Variants in KDM4B observed in about 807,000 individuals in gnomAD.
The protein encoded by KDM4B is lysine demethylase 4B.
KDM4B carries 32 observed loss-of-function variants against 125.2 expected under a neutral mutation model. The ratio of observed to expected loss-of-function variants is 0.26; its 90% CI spans 0.19 to 0.34. The LOEUF is 0.34. KDM4B is among the 10% of genes least tolerant of loss of function. The probability of loss-of-function intolerance (pLI) is 1.00; values close to 1 mark genes in which losing one functional copy is unlikely to be tolerated. For synonymous variants in KDM4B, 721 were observed against 677.9 expected (o/e 1.06, Z -0.99); for missense variants, 1,190 against 1,577.7 (o/e 0.75, Z 4.16).
At chr19:5,040,871 C>T (rs533583071) in intron 4 of KDM4B, among the ~76,000 whole-genome samples, 1 of 152,350 alleles carries the variant, frequency 6.6e-6, no homozygotes, top group East Asian at 1.9e-4. Flanking sequence ...GTCCCCTGCC[C>T]ACTCCCCCTG....
chr19:5,069,269 C>G (rs184113591), intron 6 of KDM4B, among the ~76,000 whole-genome samples: 58 of 152,288 alleles, frequency 3.8e-4, no homozygotes, highest in African/African-American at 1.3e-3. Flanking sequence ...CGCCTCTTCT[C>G]TGGCTCCTGC....
intron 21 of KDM4B, among the ~76,000 whole-genome samples, chr19:5,149,655 A>G (rs1286694474): frequency 6.6e-6 from 1 of 152,152 alleles, no homozygotes; most frequent in East Asian, 1.9e-4. Flanking sequence ...TTCATGGGAC[A>G]GTGTTGTGTT....
intron 6 of KDM4B, among the ~76,000 whole-genome samples, chr19:5,051,302 G>A (rs541033229): frequency 2.7e-4 from 41 of 152,322 alleles, no homozygotes; most frequent in African/African-American, 8.7e-4. Flanking sequence ...CCTGGCCCAC[G>A]CTGCCTGGGA....
intron 12 of KDM4B, 43 bp from the exon 13 acceptor site, chr19:5,131,844 G>T (rs2039562385): frequency 3.1e-6 from 5 of 1,612,088 alleles, no homozygotes; most frequent in Non-Finnish European, 3.4e-6. Context: ...CCCACCCAGG[G>T]GTCTGTAGCG....
At chr19:5,006,017 G>A (rs547702318) in intron 1 of KDM4B, among the ~76,000 whole-genome samples, 2 of 152,170 alleles carry the variant, frequency 1.3e-5, no homozygotes, top group Non-Finnish European at 2.9e-5. Context: ...GGGCTGTGGG[G>A]GTCCTGGGAG....
intron 18 of KDM4B, among the ~76,000 whole-genome samples, chr19:5,139,035 G>A (rs372203332): frequency 3.4e-4 from 51 of 152,222 alleles, no homozygotes; most frequent in South Asian, 1.2e-3. Context: ...CGATCATCCC[G>A]CCTCAGCCTC....
At chr19:5,053,269 T>C (rs920816562) in intron 6 of KDM4B, among the ~76,000 whole-genome samples, 2 of 152,222 alleles carry the variant, frequency 1.3e-5, no homozygotes, top group African/African-American at 2.4e-5. Flanking sequence ...TCAGAGCCGC[T>C]GCGGTGCCCT....
At chr19:5,062,212 C>T (rs1214989075) in intron 6 of KDM4B, among the ~76,000 whole-genome samples, 4 of 152,254 alleles carry the variant, frequency 2.6e-5, no homozygotes, top group Non-Finnish European at 5.9e-5. Context: ...CCTCAGTGCT[C>T]TTGGCAGTTC....
At chr19:5,019,449 C>T (rs562621965) in intron 2 of KDM4B, among the ~76,000 whole-genome samples, 2 of 66,400 alleles carry the variant, frequency 3.0e-5, no homozygotes, top group East Asian at 5.2e-4. Context: ...TGTTGGTGTG[C>T]GTGTTGGTGT....
At chr19:5,083,382 G>C (rs1307226536) in intron 9 of KDM4B, among the ~76,000 whole-genome samples, 1 of 152,198 alleles carries the variant, frequency 6.6e-6, no homozygotes, top group Admixed American at 6.5e-5. Flanking sequence ...GGACGTGGAC[G>C]GGGCTTATGA....
intron 1 of KDM4B, among the ~76,000 whole-genome samples, chr19:5,010,766 G>C (rs779562398): frequency 2.0e-5 from 3 of 152,174 alleles, no homozygotes; most frequent in African/African-American, 4.8e-5. Flanking sequence ...TCCTGCCTCA[G>C]CCTCCCGAGT....
chr19:4,980,426 T>G (rs1432312216), intron 1 of KDM4B, among the ~76,000 whole-genome samples: 1 of 145,442 alleles, frequency 6.9e-6, no homozygotes, highest in African/African-American at 2.5e-5. Context: ...TCTTTCTTTT[T>G]TTTTTTTTTT....
intron 2 of KDM4B, among the ~76,000 whole-genome samples, chr19:5,031,023 C>T (rs934257412): frequency 6.6e-6 from 1 of 152,236 alleles, no homozygotes; most frequent in African/African-American, 2.4e-5. Flanking sequence ...ACTGGCCCAG[C>T]TCAGGCCGGC....
rs1227503617 is a variant in KDM4B at position 5,137,174 on chromosome 19, A to G, written c.2309-88A>G. 2.0e-5 allele frequency: 18 copies of G among 887,018 alleles called. No individual in the cohort carries two copies. The South Asian group carries it at 2.1e-4, about 10-fold the overall frequency. The allele number at this position is 887,018 out of a possible 1,614,324, so 54.9% of individuals were successfully genotyped here. On this transcript the variant is annotated intron_variant, in intron 15 of 22. Transcript: ENST00000159111. ...CTCCACATACGGACACTGGCCCCCA[A>G]GTTACCCGGCCCCTCCCCCTGAGTT...
Position 5,082,854 on chromosome 19 carries a change from C to G in KDM4B, c.918+350C>G, listed in dbSNP as rs1329880751. Among the ~76,000 whole-genome samples, 1 of 132,244 alleles carries G rather than the reference C, an allele frequency of 7.6e-6. No homozygotes were observed. Among genetic ancestry groups the G allele is most frequent in the African/African-American group, 2.6e-5 (1 of 39,140 alleles). 86.8% of individuals were successfully genotyped at this position (132,244 alleles called of 152,430 possible). A position where few individuals can be genotyped will look rare whatever the true frequency, so the allele number is the denominator to read the frequency against. On this transcript the variant is annotated intron_variant, in intron 9 of 22. Coordinates refer to ENST00000159111, the MANE Select transcript of KDM4B (RefSeq NM_015015.3). This position sits in a 1 kb window ranked among gnomAD's most constrained non-coding sequence, Gnocchi z 5.4. ...TTCCTCCACCAGCACCATTGTCCCC[C>G]CTGCTGGCTGGCTCCTGGGCATCTC...
chr19:5,032,817 C>G, intron 2 of KDM4B, 49 bp from the exon 3 acceptor site: 1 of 1,538,566 alleles, frequency 6.5e-7, no homozygotes, highest in Non-Finnish European at 8.9e-7. Context: ...GCTCCAAGGG[C>G]TGGGCATGGC....
chr19:5,029,722 G>C (rs1341379995), intron 2 of KDM4B, among the ~76,000 whole-genome samples: 1 of 152,238 alleles, frequency 6.6e-6, no homozygotes, highest in African/African-American at 2.4e-5. Flanking sequence ...AGCTAGTTGG[G>C]AGGCTGAGGC....
intron 1 of KDM4B, among the ~76,000 whole-genome samples, chr19:4,985,837 A>G (rs2034809352): frequency 6.6e-6 from 1 of 152,092 alleles, no homozygotes; most frequent in Non-Finnish European, 1.5e-5. Context: ...GCAGCCTGGG[A>G]GCGCGGATTG....
intron 3 of KDM4B, 28 bp downstream of exon 3, chr19:5,033,059 C>G (rs1284242976): frequency 1.2e-5 from 20 of 1,608,640 alleles, no homozygotes; most frequent in Non-Finnish European, 1.6e-5. Context: ...CCCAGCGCGG[C>G]CCTCCATCAG....
Sources: allele counts gnomAD v4.1 joint callset (sites outside exome capture counted in the v4.1 genomes callset), GRCh38; gene constraint gnomAD v4.1.1; non-coding constraint Gnocchi (gnomAD v3.1); transcripts MANE v1.5; gene names NCBI Gene and HGNC (gene_info 2026-07-23, HGNC 2026-07-21).